AMBP: variants seen among roughly 807,000 people sequenced by gnomAD.
AMBP encodes alpha-1-microglobulin/bikunin precursor.
Under a neutral mutation model 46.3 loss-of-function variants are expected in AMBP, and 37 were observed. The observed-to-expected ratio is 0.80, with a 90% CI of 0.61 to 1.05. AMBP has a LOEUF of 1.05. Ranked by LOEUF, AMBP falls within the 50% of genes least tolerant of loss-of-function variation. The pLI is 0.00. For missense variants in AMBP, 475 were observed against 461.2 expected (o/e 1.03, Z -0.27); for synonymous variants, 174 against 175.9 (o/e 0.99, Z 0.09).
At position 114,061,070 on chromosome 9, in the gene AMBP, G is replaced by T. The variant is rs746303799; in HGVS notation, c.882C>A (p.Gly294=). The T allele has an allele frequency of 6.2e-7, 1 of 1,614,208 alleles. No homozygotes were observed. The highest frequency in any genetic ancestry group is 8.5e-7 in the Non-Finnish European group (1 of 1,180,032). Residue 294 remains glycine, a synonymous_variant, in exon 9 of 10, where the codon GGC becomes GGA. Coordinates refer to ENST00000265132, the MANE Select transcript of AMBP (RefSeq NM_001633.4). ...VAACNLPIVR[G]PCRAFIQLWA... ...AGAGCTGGATGAAGGCTCGGCAGGG[G>T]CCCCGGACTATGGGGAGATTGCAGG...
chr9:114,076,892 A>C, intron 1 of AMBP, 152 bp from the exon 2 acceptor site: 28 of 1,001,204 alleles, frequency 2.8e-5, no homozygotes, highest in Non-Finnish European at 3.3e-5. Context: ...CTTACAACTA[A>C]TCAGAGGCCA....
intron 5 of AMBP, among the ~76,000 whole-genome samples, chr9:114,072,057 C>T (rs1159057683): frequency 6.6e-6 from 1 of 152,216 alleles, no homozygotes; most frequent in Admixed American, 6.5e-5. Context: ...GAACTTGGGA[C>T]CCACAAAATG....
chr9:114,076,508 G>A, intron 2 of AMBP, 90 bp downstream of exon 2: 1 of 1,544,192 alleles, frequency 6.5e-7, no homozygotes, highest in Admixed American at 1.8e-5. Flanking sequence ...ACTGGAAGCA[G>A]AGATCTGCAA....
In AMBP at chr9:114,074,359, C is replaced by A. The variant is rs141121497; in HGVS notation, c.338-207G>T. 1.3e-3 allele frequency among the ~76,000 whole-genome samples: 205 copies of A among 152,284 alleles called. 1 individual carries two copies. Among genetic ancestry groups the A allele is most frequent in the African/African-American group, 4.6e-3 (193 of 41,562 alleles). ...CCTCCATGTACTCACATTAATTCAT[C>A]CACCATCACTCAATCCATCTATCCT... On this transcript the variant is annotated intron_variant, in intron 3 of 9. Transcript: ENST00000265132.
intron 4 of AMBP, among the ~76,000 whole-genome samples, chr9:114,073,493 GTTTTTT>G (rs59522385): frequency 9.3e-6 from 1 of 107,300 alleles, no homozygotes; most frequent in Admixed American, 9.7e-5. Context: ...CTCAATCCCT[GTTTTTT>G]TTTTTTTTTT....
chr9:114,072,830 A>G (rs1846759458), intron 5 of AMBP, 95 bp downstream of exon 5: 3 of 1,077,018 alleles, frequency 2.8e-6, no homozygotes, highest in East Asian at 5.0e-5. Context: ...TTTATCTCAG[A>G]GGGTTATAGT....
intron 9 of AMBP, among the ~76,000 whole-genome samples, chr9:114,060,589 G>C (rs1365343529): frequency 6.6e-6 from 1 of 152,162 alleles, no homozygotes; most frequent in Non-Finnish European, 1.5e-5. Flanking sequence ...TACTGGGAAG[G>C]CTGGGAGGCA....
chr9:114,064,298 A>C (rs759035872), intron 6 of AMBP, among the ~76,000 whole-genome samples: 1 of 152,258 alleles, frequency 6.6e-6, no homozygotes, highest in Non-Finnish European at 1.5e-5. Flanking sequence ...GTAATGTCAA[A>C]GAAATAATGA....
rs374119174 is a variant in AMBP at position 114,069,741 on chromosome 9, T to C, written c.561A>G (p.Glu187=). ...DSIFTMADRG[E]CVPGEQEPEP... ...CTGGTTCCTGCTCCCCAGGGACACA[T>C]TCACCTAGGTCACAGAGCAGGAGAG... The change falls in exon 6 of 10, where the codon GAA becomes GAG. Residue 187 remains glutamate (E), a synonymous_variant. Coordinates refer to ENST00000265132, the MANE Select transcript of AMBP (RefSeq NM_001633.4). 435 of 1,613,988 alleles carry C rather than the reference T, an allele frequency of 2.7e-4. No individual in the cohort carries two copies. The highest frequency in any genetic ancestry group is 3.4e-4 in the Non-Finnish European group (407 of 1,180,030).
Position 114,061,042 on chromosome 9 carries a change from C to G in AMBP, c.910G>C (p.Ala304Pro), listed in dbSNP as rs754431264. The G allele has an allele frequency of 6.2e-7, 1 of 1,614,228 alleles. No homozygotes were observed. The highest frequency in any genetic ancestry group is 8.5e-7 in the Non-Finnish European group (1 of 1,180,034). The change falls in exon 9 of 10, where the codon GCA (alanine) becomes CCA (proline). Residue 304 changes from alanine (A) to proline (P), a missense_variant. Around this residue, in one of 3 missense-constraint regions of AMBP, gnomAD observed 293 missense variants for 276.9 expected, o/e 1.06. Transcript: ENST00000265132. ...GPCRAFIQLW[A>P]FDAVKGKCVL... ...CACTTCCCCTTGACAGCATCAAATG[C>G]CCAGAGCTGGATGAAGGCTCGGCAG...
Position 114,078,111 on chromosome 9 carries a change from T to A in AMBP, c.99A>T (p.Glu33Asp). The change falls in exon 1 of 10, where the codon GAA becomes GAT. Residue 33 changes from glutamate to aspartate, a missense_variant. Physicochemically the swap from Glu to Asp is conservative, Grantham distance 45. Coordinates refer to ENST00000265132, the MANE Select transcript of AMBP (RefSeq NM_001633.4). ...PTPPDNIQVQ[E>D]NFNISRIYGK... The stretch of plus-strand genomic sequence containing the variant: ...GCCTTACCCGAGAGATATTGAAGTT[T>A]TCCTGCACTTGGATGTTGTCGGGCG... 6.2e-7 allele frequency: 1 copy of A among 1,613,984 alleles called. No individual in the cohort carries two copies. Among genetic ancestry groups the A allele is most frequent in the Non-Finnish European group, 8.5e-7 (1 of 1,180,022 alleles).
chr9:114,078,010 C>G, intron 1 of AMBP, 83 bp downstream of exon 1: 4 of 1,377,636 alleles, frequency 2.9e-6, no homozygotes, highest in Middle Eastern at 1.8e-4. Context: ...GACCCCGAGA[C>G]AGGCCGCACT....
At position 114,061,104 on chromosome 9, in the gene AMBP, G is replaced by T. The variant is rs770101270; in HGVS notation, c.854-6C>A. The T allele has an allele frequency of 6.2e-7, 1 of 1,613,638 alleles. No homozygotes were observed. Among genetic ancestry groups the T allele is most frequent in the South Asian group, 1.1e-5 (1 of 90,964 alleles). On this transcript the variant is annotated splice_polypyrimidine_tract_variant and splice_region_variant and intron_variant, in intron 8 of 9. Transcript: ENST00000265132. ...TATGGGGAGATTGCAGGCCGCTGTG[G>T]AGTGGAGAGAGGCATGGAACTTGAG...
intron 6 of AMBP, among the ~76,000 whole-genome samples, chr9:114,064,913 C>T (rs1489088570): frequency 6.6e-6 from 1 of 152,198 alleles, no homozygotes; most frequent in Non-Finnish European, 1.5e-5. Context: ...GCACCCCATC[C>T]CTTTCCTTTC....
chr9:114,060,804 G>C (rs1846627085), intron 9 of AMBP, 121 bp downstream of exon 9: 1 of 1,171,030 alleles, frequency 8.5e-7, no homozygotes, highest in African/African-American at 1.5e-5. Flanking sequence ...AGAGTAGATG[G>C]GCTGCTTACC....
At position 114,065,310 on chromosome 9, in the gene AMBP, C is replaced by T. The variant is rs150760455; in HGVS notation, c.604-2552G>A. The stretch of plus-strand genomic sequence containing the variant: ...CCAATATGAGTGGTGTCCTTATAAA[C>T]GGGTGATTCGCACACATAGAGAACT... On this transcript the variant is annotated intron_variant, in intron 6 of 9. Transcript: ENST00000265132. 3.4e-3 allele frequency among the ~76,000 whole-genome samples: 522 copies of T among 152,234 alleles called. 2 individuals carry two copies. Among genetic ancestry groups the T allele is most frequent in the Admixed American group, 4.3e-3 (66 of 15,292 alleles).
intron 5 of AMBP, among the ~76,000 whole-genome samples, chr9:114,072,643 A>C (rs920805503): frequency 4.0e-5 from 6 of 151,792 alleles, no homozygotes; most frequent in African/African-American, 1.5e-4. Context: ...TAATCCCAAA[A>C]CTCTTTTGCC....
At chr9:114,060,295 A>C in intron 9 of AMBP, 25 bp from the exon 10 acceptor site, 1 of 1,611,886 alleles carries the variant, frequency 6.2e-7, no homozygotes, top group African/African-American at 1.3e-5. Context: ...AGACTCAGGG[A>C]GGGGTCCGTA....
intron 1 of AMBP, 27 bp from the exon 2 acceptor site, chr9:114,076,767 C>A: frequency 6.2e-7 from 1 of 1,610,984 alleles, no homozygotes; most frequent in South Asian, 1.1e-5. Flanking sequence ...CTCTGGGGGT[C>A]TGCATCAGTC....
Sources: allele counts gnomAD v4.1 joint callset (sites outside exome capture counted in the v4.1 genomes callset), GRCh38; gene constraint gnomAD v4.1.1; regional missense constraint gnomAD v4.1.1; transcripts MANE v1.5; gene names NCBI Gene and HGNC (gene_info 2026-07-23, HGNC 2026-07-21).